The following GRM5 variants were observed in gnomAD, a reference collection of about 807,000 sequenced individuals.
The protein encoded by GRM5 is metabotropic glutamate receptor 5.
A neutral mutation model predicts 83.1 loss-of-function variants in GRM5; 19 were observed. The ratio of observed to expected loss-of-function variants is 0.23; its 90% CI spans 0.16 to 0.34. The LOEUF (loss-of-function observed/expected upper bound fraction) is 0.34, where lower values mean the gene tolerates loss of function less well. Ranked by LOEUF, GRM5 falls within the 10% of genes least tolerant of loss-of-function variation. GRM5 has a pLI of 1.00. For synonymous variants in GRM5, 675 were observed against 633.6 expected, an observed-to-expected ratio of 1.07 and a Z score of -0.98; for missense variants, 1,160 against 1,588.3, an observed-to-expected ratio of 0.73 and a Z score of 4.58.
intron 9 of GRM5, among the ~76,000 whole-genome samples, chr11:88,509,992 T>C (rs1006149983): frequency 6.6e-6 from 1 of 152,184 alleles, no homozygotes; most frequent in Non-Finnish European, 1.5e-5. Flanking sequence ...AGTCAGGGAT[T>C]ACCAGGAGGT....
intron 3 of GRM5, among the ~76,000 whole-genome samples, chr11:88,754,624 A>T (rs555676280): frequency 6.6e-6 from 1 of 152,126 alleles, no homozygotes; most frequent in African/African-American, 2.4e-5. Flanking sequence ...ATCCTTATCA[A>T]TTCCTACATT....
At chr11:89,019,186 T>A (rs565356244) in intron 2 of GRM5, among the ~76,000 whole-genome samples, 1 of 152,308 alleles carries the variant, frequency 6.6e-6, no homozygotes, top group East Asian at 1.9e-4. Context: ...ATTTGTCTGA[T>A]GTTTTTCTCT....
At chr11:88,660,589 A>G (rs951878884) in intron 3 of GRM5, among the ~76,000 whole-genome samples, 5 of 152,208 alleles carry the variant, frequency 3.3e-5, no homozygotes, top group African/African-American at 9.6e-5. Flanking sequence ...CCTAGAAGTT[A>G]GTGGTCATTA....
intron 4 of GRM5, among the ~76,000 whole-genome samples, chr11:88,634,988 C>T (rs375483314): frequency 2.0e-5 from 3 of 152,112 alleles, no homozygotes; most frequent in Admixed American, 6.5e-5. Context: ...CATGACTCTA[C>T]GTTGCAAGGT....
intron 8 of GRM5, among the ~76,000 whole-genome samples, chr11:88,551,242 A>C: frequency 6.6e-6 from 1 of 152,064 alleles, no homozygotes; most frequent in East Asian, 1.9e-4. Flanking sequence ...AGCCCCTATC[A>C]TCCCCTTTCC....
At chr11:88,959,905 T>C (rs604551) in intron 2 of GRM5, among the ~76,000 whole-genome samples, 54,596 of 152,092 alleles carry the variant, frequency 0.36, 11,352 homozygotes, top group Non-Finnish European at 0.46. Flanking sequence ...AGCTAGACTT[T>C]GGAAAGATTT....
chr11:88,638,336 G>A (rs1939197328), intron 4 of GRM5, among the ~76,000 whole-genome samples: 1 of 151,994 alleles, frequency 6.6e-6, no homozygotes. Flanking sequence ...GGTATTATTA[G>A]ATTTGATTTA....
chr11:88,722,672 C>T (rs34726613), intron 3 of GRM5, among the ~76,000 whole-genome samples: 18,671 of 152,130 alleles, frequency 0.12, 1,518 homozygotes, highest in Middle Eastern at 0.19. Context: ...GATTTTCCAG[C>T]AATTCATGGC....
At chr11:88,991,765 G>T (rs1490399813) in intron 2 of GRM5, among the ~76,000 whole-genome samples, 2 of 152,022 alleles carry the variant, frequency 1.3e-5, no homozygotes. Flanking sequence ...AATGGGGAAA[G>T]GATTCCCTAT....
At position 88,993,095 on chromosome 11, in the gene GRM5, C is replaced by T. The variant is rs189315989; in HGVS notation, c.661+54117G>A. On this transcript the variant is annotated intron_variant, in intron 2 of 9. Transcript: ENST00000305447. ...TCCTATCTAACATAGTGAAACCCAC[C>T]TCTACTGAAAATACAAAAAAATTAG... Among the ~76,000 whole-genome samples, 3 of 149,426 alleles carry T rather than the reference C, an allele frequency of 2.0e-5. No individual in the cohort carries two copies. The East Asian group carries it at 5.9e-4, about 29-fold the overall frequency.
chr11:88,518,839 A>AC (rs1431688539), intron 9 of GRM5, among the ~76,000 whole-genome samples: 5 of 151,058 alleles, frequency 3.3e-5, no homozygotes, highest in African/African-American at 4.9e-5. Context: ...TTCCCCAAAC[A>AC]CCCCATGGTC....
At chr11:88,671,563 T>G (rs1940194541) in intron 3 of GRM5, among the ~76,000 whole-genome samples, 1 of 152,098 alleles carries the variant, frequency 6.6e-6, no homozygotes, top group East Asian at 1.9e-4. Flanking sequence ...TTGCAGTTTA[T>G]TTATATAATA....
intron 3 of GRM5, among the ~76,000 whole-genome samples, chr11:88,786,898 G>A (rs895768442): frequency 3.9e-5 from 6 of 152,062 alleles, no homozygotes; most frequent in Admixed American, 2.6e-4. Flanking sequence ...CACATAAGAG[G>A]CAATCTATAA....
At chr11:88,937,815 G>C (rs1025910639) in intron 2 of GRM5, among the ~76,000 whole-genome samples, 24 of 151,704 alleles carry the variant, frequency 1.6e-4, no homozygotes, top group Admixed American at 7.3e-4. Context: ...TAATACCTGT[G>C]AGCAAAGCCA....
chr11:88,644,491 C>T (rs901163880), intron 4 of GRM5, among the ~76,000 whole-genome samples: 1 of 152,118 alleles, frequency 6.6e-6, no homozygotes, highest in Non-Finnish European at 1.5e-5. Context: ...AAAATGTTTG[C>T]ATGCTGGTCT....
intron 3 of GRM5, among the ~76,000 whole-genome samples, chr11:88,775,452 T>G (rs1224358601): frequency 1.3e-5 from 2 of 152,206 alleles, no homozygotes; most frequent in African/African-American, 4.8e-5. Flanking sequence ...AGTTCTGCTC[T>G]GATCTTAGTT....
intron 4 of GRM5, among the ~76,000 whole-genome samples, chr11:88,630,417 T>TTTTA (rs1406665850): frequency 6.6e-6 from 1 of 152,172 alleles, no homozygotes; most frequent in Non-Finnish European, 1.5e-5. Context: ...TTAGTATATC[T>TTTTA]TTTATTCCTT....
intron 3 of GRM5, among the ~76,000 whole-genome samples, chr11:88,706,517 T>C (rs1397391939): frequency 6.6e-6 from 1 of 152,100 alleles, no homozygotes. Flanking sequence ...TATGAAATGT[T>C]CTTTTAGTAA....
At chr11:88,948,741 TCTC>T (rs777042063) in intron 2 of GRM5, among the ~76,000 whole-genome samples, 29 of 152,280 alleles carry the variant, frequency 1.9e-4, no homozygotes, top group Non-Finnish European at 3.1e-4. Context: ...AAGCTATTGC[TCTC>T]CTATTATGTG....
Sources: allele counts gnomAD v4.1 joint callset (sites outside exome capture counted in the v4.1 genomes callset), GRCh38; gene constraint gnomAD v4.1.1; transcripts MANE v1.5; gene names NCBI Gene and HGNC (gene_info 2026-07-23, HGNC 2026-07-21).